Variants in KCNQ5 observed in about 807,000 individuals in gnomAD.
KCNQ5 encodes potassium voltage-gated channel subfamily KQT member 5.
A neutral mutation model predicts 98.2 loss-of-function variants in KCNQ5; 30 were observed. The observed-to-expected ratio is 0.31, with a 90% CI of 0.23 to 0.41. The LOEUF (loss-of-function observed/expected upper bound fraction) is 0.41, where lower values mean the gene tolerates loss of function less well. Ranked by LOEUF, KCNQ5 falls within the 10% of genes least tolerant of loss-of-function variation. KCNQ5 has a pLI of 1.00. For missense variants in KCNQ5, 835 were observed against 1,182.5 expected (o/e 0.71, Z 4.31); for synonymous variants, 458 against 449.4 (o/e 1.02, Z -0.24).
chr6:73,091,278 C>T (rs764524920), intron 5 of KCNQ5, among the ~76,000 whole-genome samples: 8 of 151,878 alleles, frequency 5.3e-5, no homozygotes, highest in Non-Finnish European at 1.0e-4. Flanking sequence ...ACAATGAGAA[C>T]ACATGGACAC....
rs763195150 is a variant in KCNQ5 at position 73,169,821 on chromosome 6, C to T, written c.1544C>T (p.Thr515Ile). 10 of 1,612,820 alleles carry T rather than the reference C, an allele frequency of 6.2e-6. No homozygotes were observed. In the Admixed American group the frequency reaches 8.3e-5, roughly 13 times the overall value. ...CQCDVSVEDL[T>I]PPLKTVIRAI... ...TGTGATGTATCAGTGGAAGACCTCA[C>T]CCCACCACTTAAAACTGTCATTCGA... Residue 515 changes from threonine to isoleucine, a missense_variant, in exon 11 of 14, where the codon ACC becomes ATC. Thr to Ile is a moderately conservative substitution (Grantham distance 89). Around this residue, in one of 10 missense-constraint regions of KCNQ5, gnomAD observed 146 missense variants for 256.7 expected, o/e 0.57. Transcript: ENST00000370398.
intron 1 of KCNQ5, among the ~76,000 whole-genome samples, chr6:72,996,258 C>T (rs1211053346): frequency 6.6e-6 from 1 of 152,152 alleles, no homozygotes; most frequent in Non-Finnish European, 1.5e-5. Context: ...ATGTGGGTCC[C>T]AAATTCACCT....
intron 2 of KCNQ5, among the ~76,000 whole-genome samples, chr6:73,008,865 AAAAGATGGATACCACAC>A (rs1189034001): frequency 1.3e-5 from 2 of 152,242 alleles, no homozygotes; most frequent in African/African-American, 2.4e-5. Flanking sequence ...CAACAATTTT[AAAAGATGGATACCACAC>A]AAAGATGGAT....
chr6:73,133,968 T>A (rs188189243), intron 10 of KCNQ5: 1 of 492,042 alleles, frequency 2.0e-6, no homozygotes, highest in East Asian at 6.3e-5. Flanking sequence ...GATGTATTTG[T>A]GACGTCTGAC....
chr6:73,142,365 T>C (rs188403744), intron 10 of KCNQ5, among the ~76,000 whole-genome samples: 27 of 152,250 alleles, frequency 1.8e-4, no homozygotes, highest in Non-Finnish European at 2.5e-4. Flanking sequence ...CCAGTCCCTA[T>C]TGTCTTTCCA....
At chr6:73,072,373 A>G (rs1163108086) in intron 3 of KCNQ5, among the ~76,000 whole-genome samples, 1 of 152,202 alleles carries the variant, frequency 6.6e-6, no homozygotes, top group Admixed American at 6.5e-5. Context: ...GAGCCATGTT[A>G]TACTTTCTAA....
Position 72,622,525 on chromosome 6 carries a change from G to A in KCNQ5, c.336G>A (p.Gln112=). ...CRRNVKYRRV[Q]NYLYNVLERP... ...GCAACGTCAAGTACCGGCGGGTGCA[G>A]AACTACCTGTACAACGTGCTGGAGA... Residue 112 remains glutamine, a synonymous_variant, in exon 1 of 14, where the codon CAG becomes CAA. Coordinates refer to ENST00000370398, the MANE Select transcript of KCNQ5 (RefSeq NM_019842.4). The surrounding 1 kb of genome is among the most constrained non-coding windows in gnomAD (Gnocchi z 6.0). The A allele has an allele frequency of 6.2e-7, 1 of 1,609,004 alleles. No individual in the cohort carries two copies. Among genetic ancestry groups the A allele is most frequent in the Non-Finnish European group, 8.5e-7 (1 of 1,178,144 alleles).
chr6:72,726,417 G>A (rs1181235758), intron 1 of KCNQ5, among the ~76,000 whole-genome samples: 1 of 151,984 alleles, frequency 6.6e-6, no homozygotes, highest in Admixed American at 6.6e-5. Context: ...GTTTCACTGT[G>A]TTAGCCAGGA....
intron 1 of KCNQ5, among the ~76,000 whole-genome samples, chr6:72,950,701 G>T (rs1450857144): frequency 6.6e-6 from 1 of 152,182 alleles, no homozygotes; most frequent in Non-Finnish European, 1.5e-5. Flanking sequence ...CATTGGAGGG[G>T]AAGTGAATTC....
At chr6:72,727,041 T>C (rs1770319018) in intron 1 of KCNQ5, among the ~76,000 whole-genome samples, 1 of 152,238 alleles carries the variant, frequency 6.6e-6, no homozygotes, top group South Asian at 2.1e-4. Context: ...TATAAGTCAG[T>C]TGGTTAACTA....
At chr6:72,854,783 T>C (rs556872383) in intron 1 of KCNQ5, among the ~76,000 whole-genome samples, 9 of 141,928 alleles carry the variant, frequency 6.3e-5, no homozygotes, top group East Asian at 2.1e-4. Flanking sequence ...TGTGTGTGTG[T>C]GCGTGCGTAG....
intron 10 of KCNQ5, chr6:73,133,943 T>C (rs1310838633): frequency 1.9e-6 from 1 of 520,096 alleles, no homozygotes; most frequent in Non-Finnish European, 3.9e-6. Flanking sequence ...TTAAGATCAA[T>C]GGGACTGTCA....
intron 1 of KCNQ5, among the ~76,000 whole-genome samples, chr6:72,814,325 G>A (rs1171938750): frequency 2.6e-5 from 4 of 152,150 alleles, no homozygotes; most frequent in East Asian, 1.9e-4. Flanking sequence ...GCTTCAAGTC[G>A]TCACTCTGGT....
chr6:72,754,543 G>A (rs6931185), intron 1 of KCNQ5, among the ~76,000 whole-genome samples: 7 of 151,916 alleles, frequency 4.6e-5, no homozygotes, highest in Admixed American at 3.3e-4. Flanking sequence ...GATTTTCTAC[G>A]GGCATCTAGC....
At chr6:72,829,145 G>A (rs1440340648) in intron 1 of KCNQ5, among the ~76,000 whole-genome samples, 1 of 152,186 alleles carries the variant, frequency 6.6e-6, no homozygotes, top group South Asian at 2.1e-4. Context: ...GCTCTCCAGA[G>A]AGGCTCTCAT....
At chr6:72,922,130 T>C (rs924522639) in intron 1 of KCNQ5, among the ~76,000 whole-genome samples, 1 of 152,192 alleles carries the variant, frequency 6.6e-6, no homozygotes, top group Admixed American at 6.5e-5. Context: ...TGTGGACATA[T>C]TTTATGTATA....
chr6:72,623,347 A>G (rs900707985), intron 1 of KCNQ5, among the ~76,000 whole-genome samples: 2 of 150,114 alleles, frequency 1.3e-5, no homozygotes, highest in African/African-American at 2.5e-5. Flanking sequence ...TCTGACAGAG[A>G]TCGGGCAGTG....
chr6:72,779,840 T>C (rs1195936395), intron 1 of KCNQ5, among the ~76,000 whole-genome samples: 1 of 50,274 alleles, frequency 2.0e-5, no homozygotes, highest in East Asian at 4.5e-4. Context: ...TGTGTGTGTG[T>C]GTGTGTGTGT....
At chr6:72,841,721 A>C (rs1776802781) in intron 1 of KCNQ5, among the ~76,000 whole-genome samples, 1 of 152,102 alleles carries the variant, frequency 6.6e-6, no homozygotes. Context: ...AAGCATGAAA[A>C]TGTTCTTTCT....
Sources: gnomAD v4.1 joint callset for allele counts (sites outside exome capture counted in the v4.1 genomes callset) on GRCh38, gnomAD v4.1.1 for gene constraint, gnomAD v4.1.1 regional missense constraint, Gnocchi (gnomAD v3.1) non-coding constraint, MANE v1.5 for transcripts, NCBI Gene and HGNC (gene_info 2026-07-23, HGNC 2026-07-21) for gene names.